The following SATB2 variants were observed in gnomAD, a reference collection of about 807,000 sequenced individuals.
SATB2 encodes SATB homeobox 2.
SATB2 carries 1 observed loss-of-function variant against 73.4 expected under a neutral mutation model. That is an observed-to-expected ratio of 0.01 (90% CI 0.00 to 0.06). The LOEUF (loss-of-function observed/expected upper bound fraction) is 0.06. Among genes scored for constraint, SATB2 ranks in the 10% least tolerant of loss-of-function variants. The probability of loss-of-function intolerance (pLI) is 1.00; values close to 1 mark genes in which losing one functional copy is unlikely to be tolerated. For missense variants in SATB2, 459 were observed against 945.8 expected (o/e 0.49, Z 6.75); for synonymous variants, 397 against 367.0 (o/e 1.08, Z -0.93).
At position 199,457,128 on chromosome 2, in the gene SATB2, G is replaced by C. The variant is rs1009037351; in HGVS notation, c.-60+211C>G. Among the ~76,000 whole-genome samples, 2 of 152,194 alleles carry C rather than the reference G, an allele frequency of 1.3e-5. No homozygotes were observed. Among genetic ancestry groups the C allele is most frequent in the Non-Finnish European group, 2.9e-5 (2 of 68,022 alleles). ...CGCGCGAGCAGTGTCGGCGCCACGGGTCAAGGAGACAAGGTGGGGGTGGCA... is the reference window on the plus strand; with the variant it reads ...CGCGCGAGCAGTGTCGGCGCCACGGCTCAAGGAGACAAGGTGGGGGTGGCA... On this transcript the variant is annotated intron_variant, in intron 1 of 10. Transcript: ENST00000417098. The surrounding 1 kb of genome is among the most constrained non-coding windows in gnomAD (Gnocchi z 4.8).
intron 3 of SATB2, among the ~76,000 whole-genome samples, chr2:199,395,163 G>A (rs1193366138): frequency 6.6e-6 from 1 of 151,812 alleles, no homozygotes; most frequent in Non-Finnish European, 1.5e-5. Flanking sequence ...TTTGGATACT[G>A]ATGACACCTT....
intron 10 of SATB2, among the ~76,000 whole-genome samples, chr2:199,307,467 A>G (rs1687468474): frequency 6.6e-6 from 1 of 152,126 alleles, no homozygotes; most frequent in Non-Finnish European, 1.5e-5. Context: ...GGGAAAGGGG[A>G]GGATGGGTCC....
In SATB2 at chr2:199,272,374, A is replaced by G. The variant is rs1437550190; in HGVS notation, c.2039T>C (p.Leu680Pro). The change falls in exon 11 of 11, where the codon CTG becomes CCG. Residue 680 changes from leucine to proline, a missense_variant. Leu to Pro is a moderately conservative substitution (Grantham distance 98, BLOSUM62 -3). Around this residue, in one of 13 missense-constraint regions of SATB2, gnomAD observed 13 missense variants for 18.1 expected, o/e 0.72. Transcript: ENST00000417098. This position sits in a 1 kb window ranked among gnomAD's most constrained non-coding sequence, Gnocchi z 6.7. ...TTCAGCCACGTCCACCGCGGAGCCC[A>G]GGTGCTCTTTCAGCTTCCCGTGGTG... is the stretch of plus-strand genomic sequence containing the variant. ...VKHHGKLKEHLGSAVDVAEYK... is the reference protein window; with the variant it reads ...VKHHGKLKEHPGSAVDVAEYK... The G allele has an allele frequency of 6.2e-7, 1 of 1,614,046 alleles. No individual in the cohort carries two copies.
At chr2:199,310,962 T>C (rs1687578496) in intron 9 of SATB2, among the ~76,000 whole-genome samples, 1 of 152,248 alleles carries the variant, frequency 6.6e-6, no homozygotes, top group Admixed American at 6.5e-5. Context: ...TGTTATAATC[T>C]GCACTCATTA....
chr2:199,323,677 A>T (rs1687953432), intron 9 of SATB2, 126 bp downstream of exon 9: 1 of 1,091,342 alleles, frequency 9.2e-7, no homozygotes, highest in Admixed American at 2.0e-5. Flanking sequence ...AAAAGGCAGA[A>T]CATGACAGGT....
intron 3 of SATB2, among the ~76,000 whole-genome samples, chr2:199,400,119 C>T (rs1690426666): frequency 6.6e-6 from 1 of 152,114 alleles, no homozygotes; most frequent in Non-Finnish European, 1.5e-5. Flanking sequence ...GAGGGAATAG[C>T]ACTTTTCCTA....
chr2:199,426,239 T>A (rs187180101), intron 3 of SATB2, among the ~76,000 whole-genome samples: 1 of 152,010 alleles, frequency 6.6e-6, no homozygotes, highest in Non-Finnish European at 1.5e-5. Context: ...AAGGAAGAAA[T>A]AGAGAAAGCA....
intron 3 of SATB2, among the ~76,000 whole-genome samples, chr2:199,424,471 GTAAT>G (rs1691269357): frequency 6.6e-6 from 1 of 152,072 alleles, no homozygotes; most frequent in African/African-American, 2.4e-5. Flanking sequence ...TTTGAACTAA[GTAAT>G]AAATAAATTG....
chr2:199,323,504 C>T (rs1385052181), intron 9 of SATB2, among the ~76,000 whole-genome samples: 1 of 149,190 alleles, frequency 6.7e-6, no homozygotes, highest in Non-Finnish European at 1.5e-5. Context: ...CACACACACA[C>T]ACACATATAT....
chr2:199,426,048 C>A (rs982669314), intron 3 of SATB2, among the ~76,000 whole-genome samples: 11 of 152,150 alleles, frequency 7.2e-5, no homozygotes, highest in Non-Finnish European at 1.5e-4. Flanking sequence ...ATTTTCAGCT[C>A]TCTTTAGAGA....
chr2:199,287,823 G>A (rs1692732874), intron 10 of SATB2, among the ~76,000 whole-genome samples: 1 of 152,032 alleles, frequency 6.6e-6, no homozygotes, highest in African/African-American at 2.4e-5. Context: ...AATATTGGCA[G>A]GTACTACTGC....
intron 3 of SATB2, among the ~76,000 whole-genome samples, chr2:199,390,251 A>C (rs1031129439): frequency 6.6e-6 from 1 of 152,182 alleles, no homozygotes; most frequent in Non-Finnish European, 1.5e-5. Context: ...GTTGGTGTTT[A>C]GTTATTTATT....
At chr2:199,411,709 G>C (rs1690824840) in intron 3 of SATB2, among the ~76,000 whole-genome samples, 1 of 152,168 alleles carries the variant, frequency 6.6e-6, no homozygotes, top group Non-Finnish European at 1.5e-5. Flanking sequence ...TGTATGGCAA[G>C]TCATAGGTGT....
chr2:199,412,947 A>C (rs1012820394), intron 3 of SATB2, among the ~76,000 whole-genome samples: 1 of 152,186 alleles, frequency 6.6e-6, no homozygotes, highest in Non-Finnish European at 1.5e-5. Flanking sequence ...TTAGGGATGA[A>C]TCTGTTATCT....
At chr2:199,386,704 GCGCGCGCGCGCGCA>G (rs1689955975) in intron 3 of SATB2, among the ~76,000 whole-genome samples, 19 of 60,754 alleles carry the variant, frequency 3.1e-4, no homozygotes, top group African/African-American at 1.7e-3. Flanking sequence ...AAGCGCGCGC[GCGCGCGCGCGCGCA>G]CACACACACA....
chr2:199,443,539 CAAAAAA>C (rs10598063), intron 2 of SATB2, among the ~76,000 whole-genome samples: 1 of 133,316 alleles, frequency 7.5e-6, no homozygotes, highest in Non-Finnish European at 1.6e-5. Flanking sequence ...AAAGTTATAG[CAAAAAA>C]AAAAAAAAAA....
intron 9 of SATB2, among the ~76,000 whole-genome samples, chr2:199,314,984 T>C (rs1687691216): frequency 6.6e-6 from 1 of 151,984 alleles, no homozygotes; most frequent in Admixed American, 6.6e-5. Context: ...TCTTTTTTCA[T>C]AGTGAACTTG....
At chr2:199,453,536 C>T (rs1692189620) in intron 2 of SATB2, among the ~76,000 whole-genome samples, 1 of 151,794 alleles carries the variant, frequency 6.6e-6, no homozygotes, top group African/African-American at 2.4e-5. Context: ...CAAAAAAATC[C>T]TTTAATTATA....
chr2:199,427,124 C>G (rs1418646655), intron 3 of SATB2, among the ~76,000 whole-genome samples: 1 of 152,122 alleles, frequency 6.6e-6, no homozygotes, highest in African/African-American at 2.4e-5. Flanking sequence ...GGGATCTGCC[C>G]ACCTCAGCCT....
Sources: gnomAD v4.1 joint callset for allele counts (sites outside exome capture counted in the v4.1 genomes callset) on GRCh38, gnomAD v4.1.1 for gene constraint, gnomAD v4.1.1 regional missense constraint, Gnocchi (gnomAD v3.1) non-coding constraint, MANE v1.5 for transcripts, NCBI Gene and HGNC (gene_info 2026-07-23, HGNC 2026-07-21) for gene names.